Variants in GNA12 observed in about 807,000 individuals in gnomAD.
The protein encoded by GNA12 is guanine nucleotide-binding protein subunit alpha-12.
Under a neutral mutation model 26.0 loss-of-function variants are expected in GNA12, and 9 were observed. That is an observed-to-expected ratio of 0.35 (90% CI 0.21 to 0.60). The LOEUF is 0.60. Among genes scored for constraint, GNA12 ranks in the 20% least tolerant of loss-of-function variants. The pLI, the probability that GNA12 is intolerant of heterozygous loss-of-function variation, is 0.78. For synonymous variants in GNA12, 264 were observed against 219.6 expected (o/e 1.20, Z -1.79); for missense variants, 405 against 525.8 (o/e 0.77, Z 2.25).
intron 2 of GNA12, among the ~76,000 whole-genome samples, chr7:2,754,898 T>G (rs1436754726): frequency 6.6e-6 from 1 of 152,248 alleles, no homozygotes; most frequent in South Asian, 2.1e-4. Flanking sequence ...TACTGTTATC[T>G]TCTCTCAAGT....
rs188750910 is a variant in GNA12 at position 2,798,819 on chromosome 7, T to C, written c.310-3676A>G. Among the ~76,000 whole-genome samples the C allele has an allele frequency of 4.2e-3, 647 of 152,308 alleles. 6 individuals carry two copies. Among genetic ancestry groups the C allele is most frequent in the African/African-American group, 0.015 (615 of 41,556 alleles). On this transcript the variant is annotated intron_variant, in intron 1 of 3. Transcript: ENST00000275364. Reference sequence around the variant, plus strand: ...GACAGACCCACAGATCAATGGAACATAACAGAGAACCCAGGGATAGCCCCT... The same window carrying C: ...GACAGACCCACAGATCAATGGAACACAACAGAGAACCCAGGGATAGCCCCT...
At chr7:2,814,287 A>AGGACTCACAATAAC (rs1793160960) in intron 1 of GNA12, 4 of 1,206,638 alleles carry the variant, frequency 3.3e-6, no homozygotes, top group Non-Finnish European at 3.7e-6. Flanking sequence ...TCTGTGGCCG[A>AGGACTCACAATAAC]GGAGTTGAAC....
intron 2 of GNA12, among the ~76,000 whole-genome samples, chr7:2,766,939 G>A (rs1037808515): frequency 1.3e-5 from 2 of 152,194 alleles, no homozygotes; most frequent in African/African-American, 4.8e-5. Flanking sequence ...TCTAATGGAT[G>A]TGTGGTAGTA....
chr7:2,751,933 A>C (rs13238327), intron 2 of GNA12, among the ~76,000 whole-genome samples: 1,587 of 152,332 alleles, frequency 0.01, 15 homozygotes, highest in Non-Finnish European at 0.018. Flanking sequence ...GTAAAGAAGA[A>C]ATAACACTAA....
chr7:2,842,938 T>G (rs1779042320), intron 1 of GNA12, among the ~76,000 whole-genome samples: 1 of 152,178 alleles, frequency 6.6e-6, no homozygotes, highest in Non-Finnish European at 1.5e-5. Context: ...ACTGCTTTAG[T>G]TGGGCTGTAG....
At chr7:2,777,572 C>T (rs913476358) in intron 2 of GNA12, among the ~76,000 whole-genome samples, 1 of 152,028 alleles carries the variant, frequency 6.6e-6, no homozygotes, top group Non-Finnish European at 1.5e-5. Flanking sequence ...CTGATTAGTG[C>T]CCTTATAAGA....
At chr7:2,787,601 T>C (rs1289440607) in intron 2 of GNA12, among the ~76,000 whole-genome samples, 3 of 152,196 alleles carry the variant, frequency 2.0e-5, no homozygotes, top group South Asian at 2.1e-4. Context: ...GGAAGCTACG[T>C]TGGTGAGAGC....
At chr7:2,789,489 G>T (rs1345804879) in intron 2 of GNA12, among the ~76,000 whole-genome samples, 1 of 152,200 alleles carries the variant, frequency 6.6e-6, no homozygotes, top group African/African-American at 2.4e-5. Flanking sequence ...CAGCAACTCA[G>T]ATCTGTGATT....
chr7:2,756,643 A>C (rs1237399402), intron 2 of GNA12, among the ~76,000 whole-genome samples: 1 of 152,108 alleles, frequency 6.6e-6, no homozygotes. Context: ...ATAGGAGAGG[A>C]TCTGTGTGAT....
In GNA12 at chr7:2,782,210, G is replaced by A. The variant is rs1482393513; in HGVS notation, c.525+12718C>T. 2.6e-5 allele frequency among the ~76,000 whole-genome samples: 4 copies of A among 152,174 alleles called. No homozygotes were observed. The East Asian group carries it at 7.7e-4, about 29-fold the overall frequency. On this transcript the variant is annotated intron_variant, in intron 2 of 3. Coordinates refer to ENST00000275364, the MANE Select transcript of GNA12 (RefSeq NM_007353.3). ...ACTTAAACATAAAAAGAAAATGTAG[G>A]TGTAAATCTTAATAACCTTGGATTT...
intron 2 of GNA12, among the ~76,000 whole-genome samples, chr7:2,748,254 A>C (rs1037121694): frequency 1.3e-5 from 2 of 152,024 alleles, no homozygotes; most frequent in African/African-American, 2.4e-5. Context: ...ACCTGACTTC[A>C]AACTATACTA....
In GNA12 at chr7:2,843,943, G is replaced by A. The variant is rs1779089290; in HGVS notation, c.219C>T (p.Phe73=). 20 of 1,593,466 alleles carry A rather than the reference G, an allele frequency of 1.3e-5. No homozygotes were observed. The highest frequency in any genetic ancestry group is 1.6e-5 in the Non-Finnish European group (19 of 1,171,844). The change falls in exon 1 of 4, where the codon TTC becomes TTT. Residue 73 remains phenylalanine (F), a synonymous_variant. Coordinates refer to ENST00000275364, the MANE Select transcript of GNA12 (RefSeq NM_007353.3). The part of the protein sequence containing the change: ...LGAGESGKST[F]LKQMRIIHGR... ...CGTGGATGATGCGCATCTGCTTGAGGAACGTGGACTTGCCGCTCTCGCCCG... is the reference window on the plus strand; with the variant it reads ...CGTGGATGATGCGCATCTGCTTGAGAAACGTGGACTTGCCGCTCTCGCCCG...
At chr7:2,774,205 C>G (rs1014353930) in intron 2 of GNA12, among the ~76,000 whole-genome samples, 4 of 152,050 alleles carry the variant, frequency 2.6e-5, no homozygotes, top group African/African-American at 7.2e-5. Flanking sequence ...TTTGTGAAAA[C>G]TGAGTTAATA....
At chr7:2,840,420 A>T (rs899582237) in intron 1 of GNA12, among the ~76,000 whole-genome samples, 2 of 152,230 alleles carry the variant, frequency 1.3e-5, no homozygotes, top group Non-Finnish European at 2.9e-5. Flanking sequence ...CATATTTGAA[A>T]GGATCAGGCA....
At chr7:2,779,083 G>A (rs1235901553) in intron 2 of GNA12, among the ~76,000 whole-genome samples, 1 of 152,170 alleles carries the variant, frequency 6.6e-6, no homozygotes, top group Non-Finnish European at 1.5e-5. Context: ...CTGAGGCTGG[G>A]CGTGGTGGCT....
chr7:2,735,347 A>T (rs554935590), intron 2 of GNA12, among the ~76,000 whole-genome samples: 2 of 152,320 alleles, frequency 1.3e-5, no homozygotes, highest in South Asian at 4.1e-4. Context: ...GCACGAAGGA[A>T]GCAGAGGCAG....
intron 1 of GNA12, among the ~76,000 whole-genome samples, chr7:2,812,027 T>C (rs1017815945): frequency 6.6e-6 from 1 of 152,224 alleles, no homozygotes; most frequent in African/African-American, 2.4e-5. Flanking sequence ...GAAGGGGCTG[T>C]AAGTACTCAA....
intron 1 of GNA12, among the ~76,000 whole-genome samples, chr7:2,816,509 G>A (rs1793223200): frequency 6.6e-6 from 1 of 152,190 alleles, no homozygotes; most frequent in African/African-American, 2.4e-5. Flanking sequence ...GGGATTACAG[G>A]CGTGAGCCAC....
chr7:2,754,062 G>A (rs142684615), intron 2 of GNA12, among the ~76,000 whole-genome samples: 66 of 152,258 alleles, frequency 4.3e-4, no homozygotes, highest in African/African-American at 1.5e-3. Context: ...TTTCCAGAAC[G>A]GTTGTACCCT....
Sources: allele counts gnomAD v4.1 joint callset (sites outside exome capture counted in the v4.1 genomes callset), GRCh38; gene constraint gnomAD v4.1.1; transcripts MANE v1.5; gene names NCBI Gene and HGNC (gene_info 2026-07-23, HGNC 2026-07-21).